Variants in SLTM observed in about 807,000 individuals in gnomAD.
The protein encoded by SLTM is SAFB-like transcription modulator.
SLTM carries 43 observed loss-of-function variants against 134.6 expected under a neutral mutation model. The ratio of observed to expected loss-of-function variants is 0.32; its 90% CI spans 0.25 to 0.41. The LOEUF (loss-of-function observed/expected upper bound fraction) is 0.41. Among genes scored for constraint, SLTM ranks in the 10% least tolerant of loss-of-function variants. The pLI is 1.00. For missense variants in SLTM, 1,055 were observed against 1,288.8 expected, an observed-to-expected ratio of 0.82 and a Z score of 2.78; for synonymous variants, 424 against 432.3, an observed-to-expected ratio of 0.98 and a Z score of 0.24.
At chr15:58,927,686 G>C (rs149452267) in intron 2 of SLTM, among the ~76,000 whole-genome samples, 1 of 152,164 alleles carries the variant, frequency 6.6e-6, no homozygotes. Context: ...GCATTACAGA[G>C]ACAGAGGTAA....
chr15:58,900,354 A>AAC (rs1386211145), intron 6 of SLTM: 1 of 172,430 alleles, frequency 5.8e-6, no homozygotes, highest in East Asian at 1.6e-4. Context: ...CTTGACAGGT[A>AAC]ACAGTCTGAG....
chr15:58,879,364 G>A lies in SLTM; in HGVS notation c.*635C>T, dbSNP rs1369178769. ...CCATGCAAACCTGAACAAGTGTGCT[G>A]CTACACTAAACTGAAAATCGGTTCT... is the stretch of plus-strand genomic sequence containing the variant. On this transcript the variant is annotated 3_prime_UTR_variant, in exon 21 of 21. Coordinates refer to ENST00000380516, the MANE Select transcript of SLTM (RefSeq NM_024755.4). The A allele has an allele frequency of 6.6e-6, 1 of 152,474 alleles. No individual in the cohort carries two copies. The highest frequency in any genetic ancestry group is 2.4e-5 in the African/African-American group (1 of 41,434). 9.4% of individuals were successfully genotyped at this position (152,474 alleles called of 1,614,324 possible).
intron 20 of SLTM, 83 bp downstream of exon 20, chr15:58,883,543 A>G: frequency 6.5e-7 from 1 of 1,550,266 alleles, no homozygotes; most frequent in Non-Finnish European, 8.8e-7. Context: ...GTTGCAATTC[A>G]GTCTCTCAGA....
intron 20 of SLTM, among the ~76,000 whole-genome samples, chr15:58,882,371 G>T (rs1450538041): frequency 2.0e-5 from 3 of 152,014 alleles, no homozygotes; most frequent in Non-Finnish European, 4.4e-5. Flanking sequence ...TTGAATTCAT[G>T]GAAACAGCAA....
intron 5 of SLTM, among the ~76,000 whole-genome samples, chr15:58,908,624 C>T (rs1219241335): frequency 6.6e-6 from 1 of 152,122 alleles, no homozygotes; most frequent in Non-Finnish European, 1.5e-5. Flanking sequence ...TCATCTCAAC[C>T]TTCCAAAGTG....
At chr15:58,932,601 A>G (rs1241031579) in intron 1 of SLTM, among the ~76,000 whole-genome samples, 158 bp from the exon 2 acceptor site, 1 of 152,246 alleles carries the variant, frequency 6.6e-6, no homozygotes, top group African/African-American at 2.4e-5. Context: ...AAACTACACG[A>G]AAGAGTGAGA....
At chr15:58,931,407 T>C (rs2037869587) in intron 2 of SLTM, among the ~76,000 whole-genome samples, 1 of 152,222 alleles carries the variant, frequency 6.6e-6, no homozygotes, top group Non-Finnish European at 1.5e-5. Flanking sequence ...CTTTTCAATA[T>C]TAATCCATTC....
intron 9 of SLTM, among the ~76,000 whole-genome samples, chr15:58,896,238 C>T (rs1361403167): frequency 6.6e-6 from 1 of 152,114 alleles, no homozygotes; most frequent in African/African-American, 2.4e-5. Context: ...TTTTCCTTCA[C>T]AAGACTTATA....
In SLTM at chr15:58,888,536, T is replaced by C. The variant is rs770216657; in HGVS notation, c.2224A>G (p.Ser742Gly). 8.1e-6 allele frequency: 13 copies of C among 1,613,912 alleles called. No homozygotes were observed. Among genetic ancestry groups the C allele is most frequent in the Non-Finnish European group, 1.1e-5 (13 of 1,179,984 alleles). ...TCTAGAGACAACTTTTTATTCTCGC[T>C]CCAGTAAGGATCATCTCGCCTTGAA... Reference protein sequence around the residue: ...VDHRRDDPYWSENKKLSLDTD... With the variant: ...VDHRRDDPYWGENKKLSLDTD... The change falls in exon 17 of 21, where the codon AGC (serine) becomes GGC (glycine). Residue 742 changes from serine to glycine, a missense_variant. This residue lies in a region of SLTM where 776 missense variants were observed against 962.2 expected (regional missense o/e 0.81). Transcript: ENST00000380516.
chr15:58,910,612 TAGG>T (rs2036198990), intron 5 of SLTM, among the ~76,000 whole-genome samples: 2 of 152,202 alleles, frequency 1.3e-5, no homozygotes, highest in East Asian at 1.9e-4. Context: ...TGCAAAACTA[TAGG>T]AGTAGTCCTT....
intron 5 of SLTM, among the ~76,000 whole-genome samples, chr15:58,905,785 A>G (rs1046966218): frequency 5.3e-5 from 8 of 152,116 alleles, no homozygotes; most frequent in Non-Finnish European, 8.8e-5. Flanking sequence ...TGTCAATTAT[A>G]ATGTTATTTC....
intron 15 of SLTM, 121 bp downstream of exon 15, chr15:58,890,160 A>G: frequency 1.8e-6 from 2 of 1,125,570 alleles, no homozygotes; most frequent in East Asian, 4.7e-5. Flanking sequence ...GGACACTTAA[A>G]AGCTCCTTAG....
chr15:58,895,414 A>G (rs2035007216), intron 9 of SLTM, among the ~76,000 whole-genome samples: 1 of 152,172 alleles, frequency 6.6e-6, no homozygotes, highest in Non-Finnish European at 1.5e-5. Flanking sequence ...AATAATTGCA[A>G]TTGTGTAAGA....
intron 9 of SLTM, among the ~76,000 whole-genome samples, chr15:58,896,597 T>C (rs1296113675): frequency 2.0e-5 from 3 of 152,066 alleles, no homozygotes; most frequent in Non-Finnish European, 2.9e-5. Context: ...AAACTTAATG[T>C]AGATATATGT....
intron 2 of SLTM, among the ~76,000 whole-genome samples, chr15:58,919,493 G>C (rs1301577390): frequency 6.6e-6 from 1 of 152,028 alleles, no homozygotes; most frequent in Non-Finnish European, 1.5e-5. Flanking sequence ...CCAGCTATTC[G>C]GGAGGCTGAG....
intron 20 of SLTM, among the ~76,000 whole-genome samples, chr15:58,882,182 A>AAAAAAAAAAAAAAAAC: frequency 2.0e-5 from 1 of 50,270 alleles, no homozygotes; most frequent in Non-Finnish European, 5.5e-5. Context: ...ACTCTGTCTC[A>AAAAAAAAAAAAAAAAC]AAAAAAAAAA....
Position 58,912,840 on chromosome 15 carries a change from G to A in SLTM, c.514-230C>T, listed in dbSNP as rs2036379908. 20 of 459,140 alleles carry A rather than the reference G, an allele frequency of 4.4e-5. No individual in the cohort carries two copies. The South Asian group carries it at 4.6e-4, about 11-fold the overall frequency. The allele number at this position is 459,140 out of a possible 1,614,324, so 28.4% of individuals were successfully genotyped here. ...TCTCTTGAGCCCCTCATTTATTAGG[G>A]TAGGTAGAAGGGAAGTGTTTTAAGC... is the stretch of plus-strand genomic sequence containing the variant. On this transcript the variant is annotated intron_variant, in intron 4 of 20. Transcript: ENST00000380516.
intron 16 of SLTM, 77 bp from the exon 17 acceptor site, chr15:58,888,632 A>G: frequency 7.0e-7 from 1 of 1,425,210 alleles, no homozygotes; most frequent in Non-Finnish European, 9.7e-7. Context: ...AGTCATACAT[A>G]CCACATGTTA....
intron 2 of SLTM, among the ~76,000 whole-genome samples, chr15:58,929,554 T>C (rs1351396402): frequency 2.6e-5 from 4 of 152,206 alleles, no homozygotes; most frequent in African/African-American, 4.8e-5. Context: ...AGTTTCCCTA[T>C]ACAAATTTGG....
Sources: allele counts gnomAD v4.1 joint callset (sites outside exome capture counted in the v4.1 genomes callset), GRCh38; gene constraint gnomAD v4.1.1; regional missense constraint gnomAD v4.1.1; transcripts MANE v1.5; gene names NCBI Gene and HGNC (gene_info 2026-07-23, HGNC 2026-07-21).